The following CPEB3 variants were observed in gnomAD, a reference collection of about 807,000 sequenced individuals.
CPEB3 encodes the protein cytoplasmic polyadenylation element-binding protein 3.
CPEB3 carries 20 observed loss-of-function variants against 67.2 expected under a neutral mutation model. The ratio of observed to expected loss-of-function variants is 0.30; its 90% CI spans 0.21 to 0.43. CPEB3 has a LOEUF of 0.43. CPEB3 is among the 20% of genes least tolerant of loss of function. The pLI is 1.00. For missense variants in CPEB3, 746 were observed against 968.6 expected (o/e 0.77, Z 3.05); for synonymous variants, 376 against 393.1 (o/e 0.96, Z 0.51).
In CPEB3 at chr10:92,088,225, AT is replaced by A. The variant is rs374452327; in HGVS notation, c.1687+3604del. On this transcript the variant is annotated intron_variant, in intron 8 of 9. Transcript: ENST00000265997. ...AGGACTGTGATTTTTTTCCAACCTA[AT>A]TTTTTTTTTTTTTTTTTTTGAGATA... Among the ~76,000 whole-genome samples, 520 of 126,298 alleles carry A rather than the reference AT, an allele frequency of 4.1e-3. 1 individual carries two copies. Among genetic ancestry groups the A allele is most frequent in the African/African-American group, 5.5e-3 (180 of 32,754 alleles). 82.9% of individuals were successfully genotyped at this position (126,298 alleles called of 152,430 possible).
At chr10:92,266,643 T>C (rs1853070301) in intron 1 of CPEB3, among the ~76,000 whole-genome samples, 1 of 151,886 alleles carries the variant, frequency 6.6e-6, no homozygotes, top group Admixed American at 6.6e-5. Flanking sequence ...AAAGGATGGC[T>C]ACTAAAAACA....
chr10:92,131,107 C>T (rs1451036920), intron 6 of CPEB3, among the ~76,000 whole-genome samples: 2 of 152,294 alleles, frequency 1.3e-5, no homozygotes, highest in East Asian at 3.9e-4. Flanking sequence ...AGCCAATAGT[C>T]TAATAATTAT....
At chr10:92,144,201 G>A (rs551654664) in intron 5 of CPEB3, among the ~76,000 whole-genome samples, 1 of 152,274 alleles carries the variant, frequency 6.6e-6, no homozygotes, top group African/African-American at 2.4e-5. Context: ...CTATTATTAA[G>A]AAAAATTCTA....
At chr10:92,282,198 C>A (rs1056471547) in intron 1 of CPEB3, among the ~76,000 whole-genome samples, 3 of 152,082 alleles carry the variant, frequency 2.0e-5, no homozygotes, top group African/African-American at 4.8e-5. Flanking sequence ...ATGGGTCTCC[C>A]ACCATATTTA....
intron 2 of CPEB3, among the ~76,000 whole-genome samples, chr10:92,233,388 C>G (rs1466444764): frequency 6.6e-6 from 1 of 151,732 alleles, no homozygotes; most frequent in Non-Finnish European, 1.5e-5. Context: ...AATACAAAAA[C>G]TAGTGGGGCA....
rs369924233 is a variant in CPEB3, at chr10:92,267,225, A to C, written c.-12+23701T>G. Among the ~76,000 whole-genome samples, 6 of 152,334 alleles carry C rather than the reference A, an allele frequency of 3.9e-5. No homozygotes were observed. In the South Asian group the frequency reaches 1.0e-3, roughly 26 times the overall value. ...TGTAGCACCACATAGTAAATATTTT[A>C]GGCTTTGTTAAGTCACAGAAAGTCT... is the stretch of plus-strand genomic sequence containing the variant. On this transcript the variant is annotated intron_variant, in intron 1 of 9. Transcript: ENST00000265997.
chr10:92,216,310 C>G (rs1850387232), intron 2 of CPEB3: 1 of 1,577,354 alleles, frequency 6.3e-7, no homozygotes. Flanking sequence ...CTCCCTGGGA[C>G]TAGGTTTCAG....
At chr10:92,053,786 C>A (rs1345987068) in intron 9 of CPEB3, among the ~76,000 whole-genome samples, 1 of 152,170 alleles carries the variant, frequency 6.6e-6, no homozygotes, top group African/African-American at 2.4e-5. Context: ...CGTGATCCAC[C>A]CGCCTCGGCC....
intron 3 of CPEB3, among the ~76,000 whole-genome samples, chr10:92,185,473 G>T (rs1259827901): frequency 6.6e-6 from 1 of 151,514 alleles, no homozygotes; most frequent in Admixed American, 6.6e-5. Flanking sequence ...TAAAACACTA[G>T]TTATAAAAAA....
intron 4 of CPEB3, among the ~76,000 whole-genome samples, chr10:92,171,433 T>C (rs1847995297): frequency 6.6e-6 from 1 of 151,608 alleles, no homozygotes; most frequent in African/African-American, 2.4e-5. Flanking sequence ...TTGCCCACCC[T>C]CCACCCCCAA....
At chr10:92,246,186 T>C (rs1852054704) in intron 1 of CPEB3, among the ~76,000 whole-genome samples, 2 of 150,054 alleles carry the variant, frequency 1.3e-5, no homozygotes, top group Admixed American at 1.3e-4. Flanking sequence ...ATACAAAAAT[T>C]AGTCGGGCAT....
chr10:92,109,234 G>A (rs903817269), intron 7 of CPEB3, among the ~76,000 whole-genome samples: 1 of 151,668 alleles, frequency 6.6e-6, no homozygotes, highest in Non-Finnish European at 1.5e-5. Flanking sequence ...TCAGATATCT[G>A]ATCCTACCAA....
chr10:92,054,356 T>G (rs1410322420), intron 9 of CPEB3, among the ~76,000 whole-genome samples: 1 of 152,074 alleles, frequency 6.6e-6, no homozygotes, highest in African/African-American at 2.4e-5. Context: ...TTTATTCTCA[T>G]CAGACTGGCA....
At chr10:92,284,904 C>T (rs1466903501) in intron 1 of CPEB3, among the ~76,000 whole-genome samples, 1 of 152,124 alleles carries the variant, frequency 6.6e-6, no homozygotes, top group African/African-American at 2.4e-5. Flanking sequence ...CCCGATTTAA[C>T]CAGTTGTCTT....
At chr10:92,194,483 A>G (rs1849135555) in intron 2 of CPEB3, among the ~76,000 whole-genome samples, 1 of 152,108 alleles carries the variant, frequency 6.6e-6, no homozygotes, top group South Asian at 2.1e-4. Flanking sequence ...TCATGAAGAT[A>G]ATGGCAAAAA....
intron 7 of CPEB3, among the ~76,000 whole-genome samples, chr10:92,096,441 T>C (rs1349546044): frequency 6.6e-6 from 1 of 152,024 alleles, no homozygotes. Context: ...TCTGTGACTG[T>C]GTGTGAGAAA....
chr10:92,163,911 T>A (rs979334137), intron 4 of CPEB3, among the ~76,000 whole-genome samples: 1 of 152,250 alleles, frequency 6.6e-6, no homozygotes, highest in Non-Finnish European at 1.5e-5. Flanking sequence ...TTGTTTTGTA[T>A]ACATTAAGCA....
Position 92,079,801 on chromosome 10 carries a change from T to C in CPEB3, c.1869+1519A>G, listed in dbSNP as rs556091226. On this transcript the variant is annotated intron_variant, in intron 9 of 9. Transcript: ENST00000265997. ...AGAGGATATTTAGTGAAACTTCATA[T>C]AGAACAGATTTACTACTTTATTAAT... Among the ~76,000 whole-genome samples the C allele has an allele frequency of 6.6e-5, 10 of 152,298 alleles. No individual in the cohort carries two copies. The South Asian group carries it at 1.9e-3, about 28-fold the overall frequency.
In CPEB3 at chr10:92,192,507, C is replaced by T. The variant is rs902718090; in HGVS notation, c.1135G>A (p.Ala379Thr). The T allele has an allele frequency of 3.7e-6, 6 of 1,613,892 alleles. No individual in the cohort carries two copies. The highest frequency in any genetic ancestry group is 1.7e-5 in the Admixed American group (1 of 60,014). The change falls in exon 3 of 10, where the codon GCT becomes ACT. Residue 379 changes from alanine to threonine, a missense_variant. Physicochemically the swap from Ala to Thr is moderately conservative, Grantham distance 58 (BLOSUM62 0). Transcript: ENST00000265997. ...AAATGATTCCTCCACATTATATCAG[C>T]GAAACTCATTGGTGGGCCACTGGGA... ...YPPSGPPMSF[A>T]DIMWRNHFAG...
Sources: gnomAD v4.1 joint callset for allele counts (sites outside exome capture counted in the v4.1 genomes callset) on GRCh38, gnomAD v4.1.1 for gene constraint, MANE v1.5 for transcripts, NCBI Gene and HGNC (gene_info 2026-07-23, HGNC 2026-07-21) for gene names.